Variants in CYP2C19 observed in about 807,000 individuals in gnomAD.
The protein encoded by CYP2C19 is cytochrome P450 2C19.
In CYP2C19, 59 loss-of-function variants were observed where a neutral mutation model predicts 40.9. That is an observed-to-expected ratio of 1.44 (90% confidence interval 1.17 to 1.79). The LOEUF (loss-of-function observed/expected upper bound fraction) is 1.79, where lower values mean the gene tolerates loss of function less well. Among genes scored for constraint, CYP2C19 ranks in the 40% most tolerant of loss-of-function variants. The pLI is 0.00. For missense variants in CYP2C19, 754 were observed against 596.9 expected, an observed-to-expected ratio of 1.26 and a Z score of -2.74; for synonymous variants, 253 against 208.7, an observed-to-expected ratio of 1.21 and a Z score of -1.83.
chr10:94,801,379 C>T (rs894070957), intron 5 of CYP2C19, among the ~76,000 whole-genome samples: 1 of 152,166 alleles, frequency 6.6e-6, no homozygotes, highest in African/African-American at 2.4e-5. Context: ...GCAGGTTGTT[C>T]AGTTACCATG....
intron 5 of CYP2C19, among the ~76,000 whole-genome samples, chr10:94,815,060 C>G (rs1848980880): frequency 7.1e-6 from 1 of 140,834 alleles, no homozygotes; most frequent in Admixed American, 7.3e-5. Context: ...GATTTGAGCC[C>G]AGCAAGTAGA....
chr10:94,848,552 G>A (rs1302471688), intron 7 of CYP2C19, among the ~76,000 whole-genome samples: 3 of 152,174 alleles, frequency 2.0e-5, no homozygotes, highest in African/African-American at 7.2e-5. Flanking sequence ...GATTGACTTG[G>A]CAATGCAGGC....
At chr10:94,831,385 G>T (rs766598100) in intron 6 of CYP2C19, among the ~76,000 whole-genome samples, 6 of 152,104 alleles carry the variant, frequency 3.9e-5, no homozygotes, top group African/African-American at 9.7e-5. Flanking sequence ...TTTCTTTTGG[G>T]TATATACCCA....
At chr10:94,781,768 A>G in intron 4 of CYP2C19, 53 bp from the exon 5 acceptor site, 1 of 957,680 alleles carries the variant, frequency 1.0e-6, no homozygotes, top group Non-Finnish European at 1.4e-6. Context: ...GGCATATTGT[A>G]TCTATACCTT....
rs113759698 is a variant in CYP2C19, at chr10:94,797,061, A to T, written c.819+15064A>T. 2.3e-3 allele frequency among the ~76,000 whole-genome samples: 353 copies of T among 152,030 alleles called. 2 individuals are homozygous for T. The highest frequency in any genetic ancestry group is 7.3e-3 in the African/African-American group (304 of 41,462). On this transcript the variant is annotated intron_variant, in intron 5 of 8. Coordinates refer to ENST00000371321, the MANE Select transcript of CYP2C19 (RefSeq NM_000769.4). ...GGAGTGGTGAGAGAGGGCATCCCTG[A>T]CTTGTGCCAGTTTTCAAAGGGAATG...
chr10:94,787,652 C>T (rs1282562853), intron 5 of CYP2C19, among the ~76,000 whole-genome samples: 1 of 151,918 alleles, frequency 6.6e-6, no homozygotes, highest in African/African-American at 2.4e-5. Context: ...ATCATTAATC[C>T]ATTTCGAGTT....
intron 5 of CYP2C19, among the ~76,000 whole-genome samples, chr10:94,793,770 AC>A (rs1243569982): frequency 2.0e-5 from 3 of 152,056 alleles, no homozygotes; most frequent in African/African-American, 7.2e-5. Context: ...GTCGGCCCCT[AC>A]TAGGAGGTGT....
chr10:94,835,895 C>G (rs1849395737), intron 6 of CYP2C19, among the ~76,000 whole-genome samples: 1 of 152,188 alleles, frequency 6.6e-6, no homozygotes, highest in Non-Finnish European at 1.5e-5. Flanking sequence ...TTATCACTGA[C>G]CACTGTGTAC....
intron 5 of CYP2C19, among the ~76,000 whole-genome samples, chr10:94,799,603 T>G (rs1350957335): frequency 6.6e-6 from 1 of 152,202 alleles, no homozygotes; most frequent in African/African-American, 2.4e-5. Context: ...TCCAACTTGG[T>G]TCCATTCTCC....
At chr10:94,779,431 A>G (rs1256919350) in intron 3 of CYP2C19, among the ~76,000 whole-genome samples, 1 of 152,164 alleles carries the variant, frequency 6.6e-6, no homozygotes, top group Non-Finnish European at 1.5e-5. Flanking sequence ...CAAATTTCAA[A>G]TAAGTTAAAT....
In CYP2C19 at chr10:94,854,877, A is replaced by G. The variant is rs1849708616; in HGVS notation, c.*1963A>G. Reference sequence around the variant, plus strand: ...GAAAGTGGAAATGGGTATTACATTAATGGAAAGATACAGATGGAAATTACA... The same window carrying G: ...GAAAGTGGAAATGGGTATTACATTAGTGGAAAGATACAGATGGAAATTACA... On this transcript the variant is annotated 3_prime_UTR_variant, in exon 9 of 9. Coordinates refer to ENST00000371321, the MANE Select transcript of CYP2C19 (RefSeq NM_000769.4). Among the ~76,000 whole-genome samples the G allele has an allele frequency of 6.6e-6, 1 of 152,204 alleles. No individual in the cohort carries two copies. The highest frequency in any genetic ancestry group is 2.4e-5 in the African/African-American group (1 of 41,452).
chr10:94,800,779 T>G (rs989856748), intron 5 of CYP2C19, among the ~76,000 whole-genome samples: 1 of 152,200 alleles, frequency 6.6e-6, no homozygotes, highest in Admixed American at 6.5e-5. Context: ...CTTAGACTGC[T>G]GTGCTAGCAG....
intron 5 of CYP2C19, among the ~76,000 whole-genome samples, chr10:94,810,096 G>T (rs895259428): frequency 2.0e-5 from 3 of 152,076 alleles, no homozygotes; most frequent in African/African-American, 7.2e-5. Context: ...TGGCCAGGCT[G>T]GTCTCAAACT....
At chr10:94,796,968 T>C (rs1032588462) in intron 5 of CYP2C19, among the ~76,000 whole-genome samples, 2 of 152,108 alleles carry the variant, frequency 1.3e-5, no homozygotes, top group African/African-American at 4.8e-5. Flanking sequence ...CTTTTCCTAA[T>C]TGATTACCCT....
chr10:94,816,282 T>A (rs1000976030), intron 5 of CYP2C19, among the ~76,000 whole-genome samples: 2 of 151,056 alleles, frequency 1.3e-5, no homozygotes, highest in African/African-American at 2.4e-5. Context: ...ATTTTTTTTA[T>A]TTTTATGGCA....
chr10:94,829,799 G>C (rs574580058), intron 6 of CYP2C19, among the ~76,000 whole-genome samples: 2 of 151,370 alleles, frequency 1.3e-5, no homozygotes, highest in East Asian at 3.9e-4. Context: ...TCTACTTTTG[G>C]TCTTTGATGA....
chr10:94,763,352 T>C (rs1848199083), intron 1 of CYP2C19, among the ~76,000 whole-genome samples: 1 of 152,166 alleles, frequency 6.6e-6, no homozygotes. Flanking sequence ...AGATAAGCGG[T>C]AGATAAGAAG....
intron 7 of CYP2C19, among the ~76,000 whole-genome samples, chr10:94,847,931 T>C (rs1249287105): frequency 6.6e-6 from 1 of 152,210 alleles, no homozygotes; most frequent in South Asian, 2.1e-4. Context: ...GTTGTTTGTT[T>C]TTTTCTTGTA....
rs1489793812 is a variant in CYP2C19 at position 94,785,004 on chromosome 10, T to G, written c.819+3007T>G. ...AATGTTATTCAAGTCCATTTCCTAT[T>G]TAAATTAAGTTGCCTTTATTTTTCT... is the stretch of plus-strand genomic sequence containing the variant. On this transcript the variant is annotated intron_variant, in intron 5 of 8. Coordinates refer to ENST00000371321, the MANE Select transcript of CYP2C19 (RefSeq NM_000769.4). 2.6e-5 allele frequency among the ~76,000 whole-genome samples: 4 copies of G among 152,280 alleles called. No individual in the cohort carries two copies. The East Asian group carries it at 5.8e-4, about 22-fold the overall frequency.
Sources: gnomAD v4.1 joint callset for allele counts (sites outside exome capture counted in the v4.1 genomes callset) on GRCh38, gnomAD v4.1.1 for gene constraint, MANE v1.5 for transcripts, NCBI Gene and HGNC (gene_info 2026-07-23, HGNC 2026-07-21) for gene names.